MBP: variants seen among roughly 807,000 people sequenced by gnomAD.
MBP encodes myelin basic protein.
MBP carries 16 observed loss-of-function variants against 35.8 expected under a neutral mutation model. The ratio of observed to expected loss-of-function variants is 0.45; its 90% CI spans 0.30 to 0.68. MBP has a LOEUF of 0.68. MBP is among the 30% of genes least tolerant of loss of function. MBP has a pLI of 0.08. For missense variants in MBP, 380 were observed against 404.7 expected, an observed-to-expected ratio of 0.94 and a Z score of 0.52; for synonymous variants, 143 against 159.6, an observed-to-expected ratio of 0.90 and a Z score of 0.78.
At chr18:77,062,511 G>A (rs1236862991) in intron 3 of MBP, among the ~76,000 whole-genome samples, 7 of 132,016 alleles carry the variant, frequency 5.3e-5, no homozygotes, top group South Asian at 2.4e-4. Flanking sequence ...GAAAGCTGTC[G>A]AAAAAAAAAA....
At chr18:77,043,916 G>C (rs1011418392) in intron 3 of MBP, among the ~76,000 whole-genome samples, 1 of 152,040 alleles carries the variant, frequency 6.6e-6, no homozygotes. Flanking sequence ...TTCCAGGCCG[G>C]ATCTGGTCCC....
intron 3 of MBP, among the ~76,000 whole-genome samples, chr18:77,049,129 C>T (rs1022579694): frequency 6.6e-6 from 1 of 151,624 alleles, no homozygotes; most frequent in Non-Finnish European, 1.5e-5. Flanking sequence ...CCGTGTTAGC[C>T]TGGATGGTCT....
chr18:77,023,514 C>G (rs899437513), intron 3 of MBP, among the ~76,000 whole-genome samples: 80 of 152,140 alleles, frequency 5.3e-4, no homozygotes, highest in African/African-American at 1.9e-3. Flanking sequence ...TCCAGGATCC[C>G]TTCGTGGGTT....
At chr18:77,016,748 T>C in intron 4 of MBP, 84 bp downstream of exon 4, 1 of 1,542,244 alleles carries the variant, frequency 6.5e-7, no homozygotes, top group Non-Finnish European at 8.7e-7. Context: ...GTGCCAGTTC[T>C]TCCTCTAATG....
At chr18:77,091,987 G>C (rs1975547994) in intron 2 of MBP, among the ~76,000 whole-genome samples, 1 of 152,200 alleles carries the variant, frequency 6.6e-6, no homozygotes, top group Non-Finnish European at 1.5e-5. Flanking sequence ...GCCGAAGATA[G>C]GGAACATCAT....
chr18:77,014,194 G>T, intron 4 of MBP: 1 of 985,410 alleles, frequency 1.0e-6, no homozygotes, highest in Non-Finnish European at 1.2e-6. Flanking sequence ...CACTTTTCTT[G>T]AATGTCAGCT....
intron 4 of MBP, chr18:77,013,743 G>A (rs527827952): frequency 2.0e-5 from 20 of 985,288 alleles, no homozygotes; most frequent in East Asian, 1.1e-4. Flanking sequence ...AAAAGTACAC[G>A]GCACGGAGAA....
intron 1 of MBP, among the ~76,000 whole-genome samples, chr18:77,112,200 C>T (rs575100957): frequency 1.4e-5 from 2 of 143,848 alleles, no homozygotes; most frequent in South Asian, 4.5e-4. Flanking sequence ...CGTGCGCGCG[C>T]GGCAAAAAGA....
chr18:77,065,341 C>T (rs761068095), intron 3 of MBP, among the ~76,000 whole-genome samples: 10 of 152,068 alleles, frequency 6.6e-5, no homozygotes, highest in Non-Finnish European at 1.3e-4. Context: ...TCTTCCTCTC[C>T]TTACAAAGCC....
chr18:77,020,211 T>G lies in MBP; in HGVS notation c.140-2943A>C, dbSNP rs1971936581. ...GGGAGAGGGACAGGGACTGGGAGTC[T>G]GGCTGGGACACTAAGGAAAGAAAGG... On this transcript the variant is annotated intron_variant, in intron 3 of 8. Transcript: ENST00000355994. This position sits in a 1 kb window ranked among gnomAD's most constrained non-coding sequence, Gnocchi z 4.1. Among the ~76,000 whole-genome samples the G allele has an allele frequency of 6.6e-6, 1 of 151,846 alleles. No individual in the cohort carries two copies. Among genetic ancestry groups the G allele is most frequent in the Non-Finnish European group, 1.5e-5 (1 of 67,964 alleles).
intron 3 of MBP, among the ~76,000 whole-genome samples, chr18:77,029,488 A>T (rs1761780961): frequency 7.0e-6 from 1 of 143,792 alleles, no homozygotes; most frequent in African/African-American, 2.6e-5. Context: ...CTAATTTTTT[A>T]AACTTTTTGC....
At chr18:77,130,456 C>A (rs367966701) in intron 1 of MBP, among the ~76,000 whole-genome samples, 1 of 138,582 alleles carries the variant, frequency 7.2e-6, no homozygotes, top group South Asian at 2.3e-4. Flanking sequence ...AGGGCCGTCC[C>A]GACTGTTATC....
chr18:77,085,035 C>A (rs1432585947), intron 2 of MBP, among the ~76,000 whole-genome samples: 1 of 150,778 alleles, frequency 6.6e-6, no homozygotes, highest in Non-Finnish European at 1.5e-5. Flanking sequence ...GAGTGAATTT[C>A]AAGTTTGAAT....
chr18:77,009,720 C>T lies in MBP; in HGVS notation c.576+7112G>A, dbSNP rs1971221665. 6.3e-6 allele frequency: 5 copies of T among 798,310 alleles called. No homozygotes were observed. The East Asian group carries it at 1.4e-4, about 23-fold the overall frequency. The allele number at this position is 798,310 out of a possible 1,614,324, so 49.5% of individuals were successfully genotyped here. On this transcript the variant is annotated intron_variant, in intron 4 of 8. Transcript: ENST00000355994. The stretch of plus-strand genomic sequence containing the variant: ...CTGCCTCCCTGCTTTCACGGCCTCA[C>T]AGATGCCCCGGAGGCTGGGGGTGGG...
At chr18:77,010,072 G>A (rs752410662) in intron 4 of MBP, 5 of 631,336 alleles carry the variant, frequency 7.9e-6, no homozygotes, top group Middle Eastern at 4.2e-4. Context: ...GATGAAGGAC[G>A]ACAGGGAGAG....
chr18:77,034,937 A>G (rs964041520), intron 3 of MBP, among the ~76,000 whole-genome samples: 2 of 152,216 alleles, frequency 1.3e-5, no homozygotes, highest in South Asian at 4.1e-4. Context: ...CATGATGTCA[A>G]AAGCTGGTCT....
chr18:77,084,746 C>A (rs571476445), intron 2 of MBP, among the ~76,000 whole-genome samples: 16 of 152,182 alleles, frequency 1.1e-4, no homozygotes, highest in African/African-American at 3.6e-4. Context: ...GAAATGTGCT[C>A]AGAATATTAT....
At chr18:76,992,318 C>T (rs1322653500) in intron 4 of MBP, among the ~76,000 whole-genome samples, 1 of 152,188 alleles carries the variant, frequency 6.6e-6, no homozygotes, top group Non-Finnish European at 1.5e-5. Flanking sequence ...ACATGCCATT[C>T]CCAGTAGGGT....
chr18:77,048,919 T>TA (rs1028284155), intron 3 of MBP, among the ~76,000 whole-genome samples: 111 of 147,402 alleles, frequency 7.5e-4, no homozygotes, highest in Non-Finnish European at 1.3e-3. Flanking sequence ...GGTTTTTTTT[T>TA]AATTTTATTT....
Sources: allele counts gnomAD v4.1 joint callset (sites outside exome capture counted in the v4.1 genomes callset), GRCh38; gene constraint gnomAD v4.1.1; non-coding constraint Gnocchi (gnomAD v3.1); transcripts MANE v1.5; gene names NCBI Gene and HGNC (gene_info 2026-07-23, HGNC 2026-07-21).